ABHD2: variants seen among roughly 807,000 people sequenced by gnomAD.
The protein encoded by ABHD2 is monoacylglycerol lipase ABHD2.
A neutral mutation model predicts 48.1 loss-of-function variants in ABHD2; 20 were observed. The observed-to-expected ratio is 0.42, with a 90% CI of 0.29 to 0.60. The LOEUF (loss-of-function observed/expected upper bound fraction) is 0.60. ABHD2 is among the 20% of genes least tolerant of loss of function. The pLI is 0.24. For synonymous variants in ABHD2, 209 were observed against 214.2 expected (o/e 0.98, Z 0.21); for missense variants, 405 against 550.9 (o/e 0.74, Z 2.65).
In ABHD2 at chr15:89,190,287, G is replaced by A. The variant is rs1299475294; in HGVS notation, c.927-793G>A. ...GGAGCTCCAGATTGAACCTTGAGGG[G>A]CCTCTGGGAGCACGGAGCAGAGCAG... On this transcript the variant is annotated intron_variant, in intron 8 of 10. Coordinates refer to ENST00000352732, the MANE Select transcript of ABHD2 (RefSeq NM_152924.5). Among the ~76,000 whole-genome samples, 8 of 152,186 alleles carry A rather than the reference G, an allele frequency of 5.3e-5. No individual in the cohort carries two copies. In the South Asian group the frequency reaches 8.3e-4, roughly 16 times the overall value.
In ABHD2 at chr15:89,175,559, C is replaced by T. The variant is rs2050998465; in HGVS notation, c.539-253C>T. 6.6e-6 allele frequency among the ~76,000 whole-genome samples: 1 copy of T among 152,188 alleles called. No individual in the cohort carries two copies. Among genetic ancestry groups the T allele is most frequent in the African/African-American group, 2.4e-5 (1 of 41,446 alleles). ...ATTGTACATTTGATACATGGTACCT[C>T]CACGCTTTGGCACTGCTGAGGCCCT... is the stretch of plus-strand genomic sequence containing the variant. On this transcript the variant is annotated intron_variant, in intron 5 of 10. Coordinates refer to ENST00000352732, the MANE Select transcript of ABHD2 (RefSeq NM_152924.5). The surrounding 1 kb of genome is among the most constrained non-coding windows in gnomAD (Gnocchi z 5.7).
chr15:89,132,648 G>A (rs995492092), intron 3 of ABHD2, among the ~76,000 whole-genome samples: 1 of 152,182 alleles, frequency 6.6e-6, no homozygotes, highest in Non-Finnish European at 1.5e-5. Context: ...CTCTGAATAT[G>A]CATTTCATCT....
chr15:89,078,287 C>A, the ABHD2 span, among the ~76,000 whole-genome samples: 1 of 152,136 alleles, frequency 6.6e-6, no homozygotes, highest in Non-Finnish European at 1.5e-5. Context: ...CTGAACATTG[C>A]CTCCAGATTA....
intron 3 of ABHD2, among the ~76,000 whole-genome samples, chr15:89,123,171 C>G (rs893224332): frequency 4.6e-5 from 7 of 152,338 alleles, no homozygotes; most frequent in African/African-American, 1.7e-4. Flanking sequence ...GTTGGCTCTC[C>G]TATGCCATGG....
chr15:89,127,796 G>A (rs2150837844), intron 3 of ABHD2, among the ~76,000 whole-genome samples: 1 of 149,968 alleles, frequency 6.7e-6, no homozygotes, highest in East Asian at 1.9e-4. Context: ...CTTCCAGTCT[G>A]TTCACCGTCT....
At chr15:89,074,829 T>G in the ABHD2 span, among the ~76,000 whole-genome samples, 2 of 152,180 alleles carry the variant, frequency 1.3e-5, no homozygotes, top group Non-Finnish European at 2.9e-5. Context: ...TATCTGTCTT[T>G]TAAAATATGC....
At chr15:89,059,844 G>C in the ABHD2 span, among the ~76,000 whole-genome samples, 1 of 152,094 alleles carries the variant, frequency 6.6e-6, no homozygotes, top group African/African-American at 2.4e-5. Context: ...CCTGCTGCAG[G>C]GTCCGTGGCC....
chr15:89,051,900 G>C, the ABHD2 span, among the ~76,000 whole-genome samples: 3 of 152,184 alleles, frequency 2.0e-5, no homozygotes, highest in Non-Finnish European at 4.4e-5. Context: ...GGTACATATA[G>C]GGGAGGTGGG....
At chr15:89,149,000 A>G (rs79664576) in intron 3 of ABHD2, among the ~76,000 whole-genome samples, 9,053 of 152,262 alleles carry the variant, frequency 0.059, 939 homozygotes, top group African/African-American at 0.21. Context: ...AGTTATATAA[A>G]CAAACAACTA....
chr15:89,101,947 A>T (rs2049707481), intron 1 of ABHD2, among the ~76,000 whole-genome samples: 1 of 152,200 alleles, frequency 6.6e-6, no homozygotes, highest in South Asian at 2.1e-4. Flanking sequence ...TCAGCCCCTC[A>T]TATGAACAAC....
Position 89,116,219 on chromosome 15 carries a change from C to G in ABHD2, c.-6-103C>G. ...CGGAAACATCTGAATTGTGACACAC[C>G]GTCACTGGCAGTATCTCTTAGCCCA... is the stretch of plus-strand genomic sequence containing the variant. On this transcript the variant is annotated intron_variant, in intron 2 of 10. Coordinates refer to ENST00000352732, the MANE Select transcript of ABHD2 (RefSeq NM_152924.5). The surrounding 1 kb of genome is among the most constrained non-coding windows in gnomAD (Gnocchi z 4.6). The G allele has an allele frequency of 3.7e-6, 4 of 1,075,776 alleles. No individual in the cohort carries two copies. The highest frequency in any genetic ancestry group is 3.1e-4 in the Middle Eastern group (1 of 3,182). 66.6% of individuals were successfully genotyped at this position (1,075,776 alleles called of 1,614,324 possible).
intron 3 of ABHD2, among the ~76,000 whole-genome samples, chr15:89,135,135 A>G (rs2050282475): frequency 2.2e-5 from 1 of 44,908 alleles, no homozygotes. Context: ...AAATGGCTAC[A>G]ACTTTTTCTT....
At chr15:89,147,152 C>G (rs2050505536) in intron 3 of ABHD2, among the ~76,000 whole-genome samples, 1 of 152,034 alleles carries the variant, frequency 6.6e-6, no homozygotes, top group Admixed American at 6.6e-5. Flanking sequence ...TTAAAGATGT[C>G]CACTGAAAGT....
chr15:89,058,604 A>T, the ABHD2 span, among the ~76,000 whole-genome samples: 1 of 152,052 alleles, frequency 6.6e-6, no homozygotes. Flanking sequence ...AGGAGAGATG[A>T]CATCCTTAAC....
rs2050974722 is a variant in ABHD2 at position 89,174,238 on chromosome 15, T to C, written c.539-1574T>C. Among the ~76,000 whole-genome samples, 1 of 152,210 alleles carries C rather than the reference T, an allele frequency of 6.6e-6. No individual in the cohort carries two copies. Among genetic ancestry groups the C allele is most frequent in the Admixed American group, 6.5e-5 (1 of 15,282 alleles). On this transcript the variant is annotated intron_variant, in intron 5 of 10. Transcript: ENST00000352732. This position sits in a 1 kb window ranked among gnomAD's most constrained non-coding sequence, Gnocchi z 4.1. Reference sequence around the variant, plus strand: ...GGAAAAAAAGAGCCACCGAACAATGTGTATGTTACCACTGGTATTTTTAAA... The same window carrying C: ...GGAAAAAAAGAGCCACCGAACAATGCGTATGTTACCACTGGTATTTTTAAA...
chr15:89,157,422 C>T (rs938482689), intron 5 of ABHD2, among the ~76,000 whole-genome samples: 7 of 152,160 alleles, frequency 4.6e-5, no homozygotes, highest in African/African-American at 1.7e-4. Flanking sequence ...ACAGGTATAC[C>T]TGCTTTGTGC....
rs2049722079 is a variant in ABHD2, at chr15:89,102,811, A to G, written c.-106-10914A>G. On this transcript the variant is annotated intron_variant, in intron 1 of 10. Transcript: ENST00000352732. This position sits in a 1 kb window ranked among gnomAD's most constrained non-coding sequence, Gnocchi z 4.8. ...TAGAGTATTTTTTAGGTGGACTAGG[A>G]GCAAATGCCTGCCTGATACAGGCAA... is the stretch of plus-strand genomic sequence containing the variant. Among the ~76,000 whole-genome samples the G allele has an allele frequency of 6.6e-6, 1 of 152,214 alleles. No individual in the cohort carries two copies. The highest frequency in any genetic ancestry group is 6.5e-5 in the Admixed American group (1 of 15,288).
chr15:89,167,818 G>A lies in ABHD2; in HGVS notation c.539-7994G>A, dbSNP rs559612053. 2.0e-4 allele frequency among the ~76,000 whole-genome samples: 31 copies of A among 152,284 alleles called. No homozygotes were observed. Among genetic ancestry groups the A allele is most frequent in the East Asian group, 9.6e-4 (5 of 5,184 alleles). On this transcript the variant is annotated intron_variant, in intron 5 of 10. Coordinates refer to ENST00000352732, the MANE Select transcript of ABHD2 (RefSeq NM_152924.5). This position sits in a 1 kb window ranked among gnomAD's most constrained non-coding sequence, Gnocchi z 5.5. ...GACAGGGGCTGCTAGGCCCCTAACC[G>A]CCCACCTGTCAGCGAGCCATGTTAG...
chr15:89,146,789 G>A lies in ABHD2; in HGVS notation c.195-4888G>A, dbSNP rs1429721317. Among the ~76,000 whole-genome samples the A allele has an allele frequency of 6.6e-6, 1 of 152,142 alleles. No homozygotes were observed. The highest frequency in any genetic ancestry group is 6.5e-5 in the Admixed American group (1 of 15,272). On this transcript the variant is annotated intron_variant, in intron 3 of 10. Transcript: ENST00000352732. The surrounding 1 kb of genome is among the most constrained non-coding windows in gnomAD (Gnocchi z 4.2). ...AGAAAGCAATGAAATTTTACTATAG[G>A]ATTTAATGGAGAGATGTACCATGTT...
Sources: allele counts gnomAD v4.1 joint callset (sites outside exome capture counted in the v4.1 genomes callset), GRCh38; gene constraint gnomAD v4.1.1; non-coding constraint Gnocchi (gnomAD v3.1); transcripts MANE v1.5; gene names NCBI Gene and HGNC (gene_info 2026-07-23, HGNC 2026-07-21).